Variants in TNPO3 observed in about 807,000 individuals in gnomAD.
The protein encoded by TNPO3 is transportin-3.
In TNPO3, 65 loss-of-function variants were observed where a neutral mutation model predicts 122.8. That is an observed-to-expected ratio of 0.53 (90% CI 0.43 to 0.65). The LOEUF is 0.65. Ranked by LOEUF, TNPO3 falls within the 30% of genes least tolerant of loss-of-function variation. The probability of loss-of-function intolerance (pLI) is 0.00; values close to 1 mark genes in which losing one functional copy is unlikely to be tolerated. For synonymous variants in TNPO3, 372 were observed against 411.2 expected, an observed-to-expected ratio of 0.90 and a Z score of 1.15; for missense variants, 850 against 1,136.7, an observed-to-expected ratio of 0.75 and a Z score of 3.63.
intron 18 of TNPO3, among the ~76,000 whole-genome samples, chr7:128,973,819 AG>A (rs1329805460): frequency 4.5e-4 from 50 of 111,818 alleles, no homozygotes; most frequent in South Asian, 6.1e-4. Context: ...AAAAAAAAAA[AG>A]AAAAGGAAAA....
Position 129,054,814 on chromosome 7 carries a change from C to T in TNPO3, c.-44G>A, listed in dbSNP as rs1200051767. 6.2e-7 allele frequency: 1 copy of T among 1,612,582 alleles called. No homozygotes were observed. The highest frequency in any genetic ancestry group is 2.2e-5 in the East Asian group (1 of 44,874). On this transcript the variant is annotated 5_prime_UTR_variant, in exon 1 of 23. Transcript: ENST00000265388. ...GGTAGCGACGGCTCTGATTCTTCTC[C>T]GGAGGATTCCTCGGTTGCTCCGCCT...
Position 129,020,734 on chromosome 7 carries a change from C to T in TNPO3, c.121-2577G>A, listed in dbSNP as rs142816447. On this transcript the variant is annotated intron_variant, in intron 1 of 22. Coordinates refer to ENST00000265388, the MANE Select transcript of TNPO3 (RefSeq NM_012470.4). ...GGGATTCCAGGCGTGAGCTACCATG[C>T]CTAGCTGATATATTTTTAAATAGCA... Among the ~76,000 whole-genome samples, 78 of 152,196 alleles carry T rather than the reference C, an allele frequency of 5.1e-4. 2 individuals carry two copies. In the East Asian group the frequency reaches 0.013, roughly 25 times the overall value.
At chr7:128,992,122 T>G in intron 9 of TNPO3, 32 bp from the exon 10 acceptor site, 2 of 1,316,388 alleles carry the variant, frequency 1.5e-6, no homozygotes, top group South Asian at 2.6e-5. Flanking sequence ...ATGGATCCAT[T>G]AAAAGGAAAA....
chr7:128,988,951 C>G (rs927185763), intron 11 of TNPO3, among the ~76,000 whole-genome samples: 3 of 152,062 alleles, frequency 2.0e-5, no homozygotes, highest in Non-Finnish European at 2.9e-5. Flanking sequence ...GTGGCATGCA[C>G]TTGTAATCCC....
rs1809331107 is a variant in TNPO3 at position 129,055,068 on chromosome 7, G to A, written c.-298C>T. ...TTCAGTCGCTGACTTGCCCTCAGAA[G>A]CCTATCTTGGGAGGCCACACACCAG... On this transcript the variant is annotated 5_prime_UTR_variant, in exon 1 of 23. Coordinates refer to ENST00000265388, the MANE Select transcript of TNPO3 (RefSeq NM_012470.4). 2.6e-6 allele frequency: 1 copy of A among 386,034 alleles called. No homozygotes were observed. Among genetic ancestry groups the A allele is most frequent in the Non-Finnish European group, 4.9e-6 (1 of 203,498 alleles). The allele number at this position is 386,034 out of a possible 1,614,324, so 23.9% of individuals were successfully genotyped here. A position where few individuals can be genotyped will look rare whatever the true frequency, so the allele number is the denominator to read the frequency against.
At chr7:129,019,494 G>A (rs185958520) in intron 1 of TNPO3, among the ~76,000 whole-genome samples, 3 of 152,256 alleles carry the variant, frequency 2.0e-5, no homozygotes, top group Admixed American at 1.3e-4. Context: ...GCTTGTACAA[G>A]TTCCTAAAGT....
intron 16 of TNPO3, 96 bp from the exon 17 acceptor site, chr7:128,976,031 C>T (rs1013527937): frequency 3.5e-5 from 30 of 845,226 alleles, no homozygotes; most frequent in Non-Finnish European, 5.5e-5. Context: ...GATAGATTGG[C>T]TTCTTCTCTT....
intron 4 of TNPO3, among the ~76,000 whole-genome samples, chr7:129,013,834 G>GT (rs1803507036): frequency 6.6e-6 from 1 of 152,132 alleles, no homozygotes; most frequent in African/African-American, 2.4e-5. Flanking sequence ...GGACGGCACT[G>GT]TTAGACATTA....
intron 1 of TNPO3, among the ~76,000 whole-genome samples, chr7:129,033,659 C>T (rs1408103141): frequency 6.6e-6 from 1 of 152,162 alleles, no homozygotes; most frequent in African/African-American, 2.4e-5. Flanking sequence ...GTGGCTCACA[C>T]CTGTAATCCC....
intron 8 of TNPO3, among the ~76,000 whole-genome samples, chr7:128,996,909 T>C (rs1328215011): frequency 6.6e-6 from 1 of 152,194 alleles, no homozygotes; most frequent in East Asian, 1.9e-4. Context: ...CATGGGTTTA[T>C]AATTTTTACT....
At chr7:128,979,203 C>T in intron 15 of TNPO3, 80 bp from the exon 16 acceptor site, 1 of 1,542,706 alleles carries the variant, frequency 6.5e-7, no homozygotes. Flanking sequence ...GGTAACACCT[C>T]ATTTAGCTTT....
intron 21 of TNPO3, among the ~76,000 whole-genome samples, chr7:128,957,992 C>T (rs927785292): frequency 2.0e-5 from 3 of 152,106 alleles, no homozygotes; most frequent in African/African-American, 7.2e-5. Flanking sequence ...TTTTCAAAAG[C>T]CCCCCGACCT....
At chr7:128,975,669 G>C in intron 17 of TNPO3, 150 bp downstream of exon 17, 1 of 597,584 alleles carries the variant, frequency 1.7e-6, no homozygotes, top group Non-Finnish European at 3.0e-6. Context: ...AGAACAACTG[G>C]GAAGCTTCCA....
chr7:128,989,064 G>A (rs1018851222), intron 11 of TNPO3, among the ~76,000 whole-genome samples: 4 of 151,948 alleles, frequency 2.6e-5, no homozygotes, highest in Admixed American at 2.6e-4. Context: ...GCAACAGAGC[G>A]AGACTCTATC....
chr7:128,958,926 C>G (rs540023701), intron 21 of TNPO3, among the ~76,000 whole-genome samples: 3 of 152,256 alleles, frequency 2.0e-5, no homozygotes, highest in African/African-American at 7.2e-5. Context: ...ATAACCTGAG[C>G]TGGGGAGGTT....
intron 7 of TNPO3, among the ~76,000 whole-genome samples, chr7:128,998,458 A>C (rs976550887): frequency 1.3e-5 from 2 of 152,054 alleles, no homozygotes; most frequent in South Asian, 2.1e-4. Flanking sequence ...GGGCTCAAGC[A>C]ATCCTTCCAC....
chr7:128,997,638 A>G, intron 7 of TNPO3, 103 bp from the exon 8 acceptor site: 1 of 1,015,852 alleles, frequency 9.8e-7, no homozygotes, highest in Non-Finnish European at 1.4e-6. Flanking sequence ...ATATTTTTAA[A>G]TAATATGAGT....
In TNPO3 at chr7:128,997,463, G is replaced by T; in HGVS notation, c.1084C>A (p.His362Asn). ...TGAATGTAAGCTTTGAAGATGCCAT[G>T]AATAACTTCATCGTTAGTTTTGTAC... ...HLYKTNDEVI[H>N]GIFKAYIQRL... Residue 362 changes from histidine (H) to asparagine (N), a missense_variant, in exon 8 of 23, where the codon CAT (histidine) becomes AAT (asparagine). His to Asn is a moderately conservative substitution (Grantham distance 68). Coordinates refer to ENST00000265388, the MANE Select transcript of TNPO3 (RefSeq NM_012470.4). 6.2e-7 allele frequency: 1 copy of T among 1,614,100 alleles called. No individual in the cohort carries two copies. The highest frequency in any genetic ancestry group is 8.5e-7 in the Non-Finnish European group (1 of 1,179,906).
intron 1 of TNPO3, among the ~76,000 whole-genome samples, chr7:129,047,579 G>A (rs1808203641): frequency 6.6e-6 from 1 of 152,164 alleles, no homozygotes; most frequent in Non-Finnish European, 1.5e-5. Flanking sequence ...ATTAGAGAAA[G>A]AGAAAAGATG....
Sources: gnomAD v4.1 joint callset for allele counts (sites outside exome capture counted in the v4.1 genomes callset) on GRCh38, gnomAD v4.1.1 for gene constraint, MANE v1.5 for transcripts, NCBI Gene and HGNC (gene_info 2026-07-23, HGNC 2026-07-21) for gene names.